The following ZNF362 variants were observed in gnomAD, a reference collection of about 807,000 sequenced individuals.
The protein encoded by ZNF362 is zinc finger protein 362.
ZNF362 carries 11 observed loss-of-function variants against 42.9 expected under a neutral mutation model. The ratio of observed to expected loss-of-function variants is 0.26; its 90% confidence interval spans 0.16 to 0.42. The LOEUF (loss-of-function observed/expected upper bound fraction) is 0.42. ZNF362 is among the 20% of genes least tolerant of loss of function. The pLI is 1.00. For synonymous variants in ZNF362, 255 were observed against 257.3 expected, an observed-to-expected ratio of 0.99 and a Z score of 0.09; for missense variants, 362 against 576.2, an observed-to-expected ratio of 0.63 and a Z score of 3.81.
intron 1 of ZNF362, among the ~76,000 whole-genome samples, chr1:33,259,514 C>G (rs1645815700): frequency 6.6e-6 from 1 of 152,222 alleles, no homozygotes; most frequent in African/African-American, 2.4e-5. Context: ...TTCATTCCTT[C>G]TTCTGCCACG....
intron 4 of ZNF362, among the ~76,000 whole-genome samples, chr1:33,277,207 C>T (rs985496394): frequency 5.3e-5 from 8 of 152,204 alleles, no homozygotes; most frequent in African/African-American, 1.4e-4. Context: ...AACACTGGAC[C>T]GTTTTGACTT....
At chr1:33,264,141 C>G (rs1645847897) in intron 1 of ZNF362, among the ~76,000 whole-genome samples, 1 of 152,194 alleles carries the variant, frequency 6.6e-6, no homozygotes, top group South Asian at 2.1e-4. Flanking sequence ...GGTTCCCTGT[C>G]CAGGACCCCT....
At chr1:33,203,373 C>T in the ZNF362 span, among the ~76,000 whole-genome samples, 3 of 152,080 alleles carry the variant, frequency 2.0e-5, no homozygotes, top group Admixed American at 6.5e-5. Context: ...ATTCATCCAT[C>T]GATGGATATT....
intron 2 of ZNF362, chr1:33,275,345 A>G: frequency 8.1e-6 from 8 of 985,456 alleles, no homozygotes; most frequent in Non-Finnish European, 9.6e-6. Flanking sequence ...GGGCCACCAG[A>G]CAGTTTGTCA....
At chr1:33,132,985 C>T in the ZNF362 span, among the ~76,000 whole-genome samples, 1 of 152,246 alleles carries the variant, frequency 6.6e-6, no homozygotes, top group Non-Finnish European at 1.5e-5. Flanking sequence ...TGATAAGCCA[C>T]ACCTCAGCTG....
chr1:33,165,757 TATCTTTCACCTGC>T, the ZNF362 span: 1 of 427,620 alleles, frequency 2.3e-6, no homozygotes, highest in Non-Finnish European at 4.1e-6. The surrounding 1 kb of genome is among the most constrained non-coding windows in gnomAD (Gnocchi z 4.0). Flanking sequence ...AACCCGTCCG[TATCTTTCACCTGC>T]ATCTTTGCAA....
At chr1:33,155,665 G>A in the ZNF362 span, among the ~76,000 whole-genome samples, 1 of 152,104 alleles carries the variant, frequency 6.6e-6, no homozygotes, top group African/African-American at 2.4e-5. Flanking sequence ...CTGTGCCTCC[G>A]TTACTTATTC....
At chr1:33,139,698 C>T in the ZNF362 span, among the ~76,000 whole-genome samples, 1 of 152,176 alleles carries the variant, frequency 6.6e-6, no homozygotes, top group African/African-American at 2.4e-5. Context: ...GCAGAGGAAG[C>T]CCCTGCAAAC....
the ZNF362 span, among the ~76,000 whole-genome samples, chr1:33,202,015 A>T: frequency 6.6e-6 from 1 of 152,364 alleles, no homozygotes; most frequent in East Asian, 1.9e-4. Context: ...TGGATAACTT[A>T]GATGAAATGG....
chr1:33,229,096 G>C, the ZNF362 span, among the ~76,000 whole-genome samples: 2 of 151,984 alleles, frequency 1.3e-5, no homozygotes, highest in African/African-American at 2.4e-5. Flanking sequence ...TGTTTCTAAG[G>C]GTCAGGAAGG....
At chr1:33,148,993 T>C in the ZNF362 span, among the ~76,000 whole-genome samples, 1 of 152,098 alleles carries the variant, frequency 6.6e-6, no homozygotes, top group Admixed American at 6.6e-5. Flanking sequence ...CCCACTTAGG[T>C]CCAAAGCCTC....
Position 33,258,768 on chromosome 1 carries a change from C to G in ZNF362, c.-89+2114C>G, listed in dbSNP as rs147723874. On this transcript the variant is annotated intron_variant, in intron 1 of 8. Coordinates refer to ENST00000539719, the MANE Select transcript of ZNF362 (RefSeq NM_152493.3). ...AATCTTTCCTGAGAGAATTGAACTT[C>G]ACAGTTTTCACAGTATGGTGTGGTG... is the stretch of plus-strand genomic sequence containing the variant. Among the ~76,000 whole-genome samples, 98 of 152,244 alleles carry G rather than the reference C, an allele frequency of 6.4e-4. 2 individuals carry two copies. In the South Asian group the frequency reaches 6.6e-3, roughly 10 times the overall value.
In ZNF362 at chr1:33,281,505, A is replaced by T; in HGVS notation, c.684-82A>T. On this transcript the variant is annotated intron_variant, in intron 5 of 8. Coordinates refer to ENST00000539719, the MANE Select transcript of ZNF362 (RefSeq NM_152493.3). This position sits in a 1 kb window ranked among gnomAD's most constrained non-coding sequence, Gnocchi z 4.8. Reference sequence around the variant, plus strand: ...ACAGGAAAGACCTGTCCCAGGTGCAAGGTCTCTCTGATGTAGAAGGCCTCC... The same window carrying T: ...ACAGGAAAGACCTGTCCCAGGTGCATGGTCTCTCTGATGTAGAAGGCCTCC... The T allele has an allele frequency of 7.3e-7, 1 of 1,365,468 alleles. No individual in the cohort carries two copies. Among genetic ancestry groups the T allele is most frequent in the Non-Finnish European group, 1.0e-6 (1 of 967,438 alleles). The allele number at this position is 1,365,468 out of a possible 1,614,324, so 84.6% of individuals were successfully genotyped here. A position where few individuals can be genotyped will look rare whatever the true frequency, so the allele number is the denominator to read the frequency against.
chr1:33,239,531 C>T, the ZNF362 span, among the ~76,000 whole-genome samples: 25 of 152,166 alleles, frequency 1.6e-4, no homozygotes, highest in Admixed American at 1.3e-3. Flanking sequence ...CACAGTTCTG[C>T]ATGGCTGGGG....
chr1:33,263,485 G>A (rs113064110), intron 1 of ZNF362, among the ~76,000 whole-genome samples: 74 of 151,378 alleles, frequency 4.9e-4, no homozygotes, highest in African/African-American at 1.6e-3. Flanking sequence ...ATCTTGGCTC[G>A]CTGCAACCTC....
the ZNF362 span, among the ~76,000 whole-genome samples, chr1:33,227,091 T>C: frequency 6.6e-6 from 1 of 152,252 alleles, no homozygotes; most frequent in South Asian, 2.1e-4. Context: ...GTGATAAGAA[T>C]GTTCTAAAAT....
chr1:33,165,291 G>T, the ZNF362 span: 1 of 546,678 alleles, frequency 1.8e-6, no homozygotes, highest in Non-Finnish European at 3.2e-6. This position sits in a 1 kb window ranked among gnomAD's most constrained non-coding sequence, Gnocchi z 4.0. Context: ...CCGCCCCATT[G>T]AACTTCACGG....
the ZNF362 span, among the ~76,000 whole-genome samples, chr1:33,209,821 T>C: frequency 6.6e-6 from 1 of 152,218 alleles, no homozygotes; most frequent in Admixed American, 6.5e-5. Flanking sequence ...TCTTTTCTTC[T>C]TTATTAGTCT....
At chr1:33,208,463 A>C in the ZNF362 span, among the ~76,000 whole-genome samples, 5 of 151,950 alleles carry the variant, frequency 3.3e-5, no homozygotes, top group Non-Finnish European at 7.4e-5. Flanking sequence ...CCAATTCTGT[A>C]AAGAAAATCA....
Sources: allele counts gnomAD v4.1 joint callset (sites outside exome capture counted in the v4.1 genomes callset), GRCh38; gene constraint gnomAD v4.1.1; non-coding constraint Gnocchi (gnomAD v3.1); transcripts MANE v1.5; gene names NCBI Gene and HGNC (gene_info 2026-07-23, HGNC 2026-07-21).